Variants in CNTNAP2 observed in about 807,000 individuals in gnomAD.
CNTNAP2 encodes the protein contactin associated protein 2.
CNTNAP2 carries 98 observed loss-of-function variants against 155.2 expected under a neutral mutation model. The ratio of observed to expected loss-of-function variants is 0.63; its 90% CI spans 0.54 to 0.75. CNTNAP2 has a LOEUF of 0.75. Among genes scored for constraint, CNTNAP2 ranks in the 30% least tolerant of loss-of-function variants. The pLI is 0.00. For missense variants in CNTNAP2, 1,727 were observed against 1,688.1 expected (o/e 1.02, Z -0.40); for synonymous variants, 651 against 631.2 (o/e 1.03, Z -0.47).
chr7:146,907,226 G>A (rs1796153333), intron 3 of CNTNAP2, among the ~76,000 whole-genome samples: 2 of 150,876 alleles, frequency 1.3e-5, no homozygotes, highest in Non-Finnish European at 3.0e-5. Context: ...AAAACACTCT[G>A]CAGGATATTA....
At chr7:147,991,567 T>C (rs536311952) in intron 15 of CNTNAP2, among the ~76,000 whole-genome samples, 1 of 151,758 alleles carries the variant, frequency 6.6e-6, no homozygotes, top group Non-Finnish European at 1.5e-5. Context: ...CTGATGATTA[T>C]CTTTAAATTA....
chr7:147,921,159 C>T lies in CNTNAP2; in HGVS notation c.2255+17438C>T, dbSNP rs116647728. 3.3e-3 allele frequency among the ~76,000 whole-genome samples: 502 copies of T among 151,800 alleles called. 3 individuals carry two copies. The highest frequency in any genetic ancestry group is 0.011 in the African/African-American group (466 of 41,384). ...CAGAGAAATGATTAGATAATGAAGA[C>T]GTTATTTATTTTTTATTTTCATAAT... On this transcript the variant is annotated intron_variant, in intron 14 of 23. Coordinates refer to ENST00000361727, the MANE Select transcript of CNTNAP2 (RefSeq NM_014141.6).
chr7:148,271,492 C>T (rs749000401), intron 21 of CNTNAP2, among the ~76,000 whole-genome samples: 1 of 152,236 alleles, frequency 6.6e-6, no homozygotes, highest in Non-Finnish European at 1.5e-5. Context: ...AGCTACTCAG[C>T]GAGTCAGCGG....
intron 8 of CNTNAP2, among the ~76,000 whole-genome samples, chr7:147,194,069 G>A (rs911488240): frequency 6.6e-6 from 1 of 150,912 alleles, no homozygotes; most frequent in African/African-American, 2.4e-5. Context: ...CCTCCTCTAA[G>A]TTCCATCCCC....
intron 8 of CNTNAP2, among the ~76,000 whole-genome samples, chr7:147,277,651 C>T (rs1804927828): frequency 6.6e-6 from 1 of 151,714 alleles, no homozygotes; most frequent in Non-Finnish European, 1.5e-5. Flanking sequence ...GGATGCTGTA[C>T]ACTAGAAAGT....
chr7:148,049,550 A>G (rs1000050184), intron 15 of CNTNAP2, among the ~76,000 whole-genome samples: 33 of 152,204 alleles, frequency 2.2e-4, no homozygotes, highest in Non-Finnish European at 7.3e-5. Context: ...CACACCACAC[A>G]ATGTCGTTTA....
intron 1 of CNTNAP2, among the ~76,000 whole-genome samples, chr7:146,347,376 C>G (rs1014889717): frequency 2.2e-4 from 33 of 152,118 alleles, no homozygotes; most frequent in Admixed American, 2.2e-3. Context: ...AGCAACAGCT[C>G]AACCAGAGAC....
intron 2 of CNTNAP2, among the ~76,000 whole-genome samples, chr7:146,793,792 T>C (rs1279774450): frequency 6.6e-6 from 1 of 152,094 alleles, no homozygotes; most frequent in Non-Finnish European, 1.5e-5. Context: ...GCATAAGTGG[T>C]GTCAAGAAGT....
intron 21 of CNTNAP2, among the ~76,000 whole-genome samples, chr7:148,362,212 AAAAAC>A (rs1798637340): frequency 8.8e-6 from 1 of 113,584 alleles, no homozygotes; most frequent in African/African-American, 2.9e-5. Context: ...AAAAAAAACA[AAAAAC>A]AAAACCCATC....
rs57317671 is a variant in CNTNAP2 at position 147,598,167 on chromosome 7, CTTT to C, written c.1897+35921_1897+35923del. ...CTGTAATTACAGCCTTTCTTTCTTT[CTTT>C]TTTTTTTTTTCTACTTTAAGTTCTG... is the stretch of plus-strand genomic sequence containing the variant. On this transcript the variant is annotated intron_variant, in intron 12 of 23. Coordinates refer to ENST00000361727, the MANE Select transcript of CNTNAP2 (RefSeq NM_014141.6). Among the ~76,000 whole-genome samples, 5 of 147,924 alleles carry C rather than the reference CTTT, an allele frequency of 3.4e-5. No individual in the cohort carries two copies. The East Asian group carries it at 5.9e-4, about 18-fold the overall frequency.
chr7:146,560,847 T>A (rs1798269442), intron 1 of CNTNAP2, among the ~76,000 whole-genome samples: 1 of 152,156 alleles, frequency 6.6e-6, no homozygotes, highest in Non-Finnish European at 1.5e-5. Flanking sequence ...CATTATCTGA[T>A]CATCTATTGG....
chr7:146,545,390 G>A (rs2693401), intron 1 of CNTNAP2, among the ~76,000 whole-genome samples: 5,027 of 151,572 alleles, frequency 0.033, 293 homozygotes, highest in African/African-American at 0.11. Flanking sequence ...TGTGCAGAAC[G>A]TGCAGGTTTG....
chr7:147,372,215 C>T (rs747337109), intron 9 of CNTNAP2, among the ~76,000 whole-genome samples: 1 of 152,074 alleles, frequency 6.6e-6, no homozygotes, highest in Non-Finnish European at 1.5e-5. Flanking sequence ...TGCTCTTACT[C>T]CTGAAAGATA....
intron 1 of CNTNAP2, among the ~76,000 whole-genome samples, chr7:146,273,892 A>T (rs1387639432): frequency 6.6e-6 from 1 of 152,202 alleles, no homozygotes; most frequent in African/African-American, 2.4e-5. Context: ...TGTAAATACT[A>T]TAAAAATGGT....
chr7:148,374,688 T>G (rs1462945021), intron 21 of CNTNAP2, among the ~76,000 whole-genome samples: 1 of 152,226 alleles, frequency 6.6e-6, no homozygotes, highest in East Asian at 1.9e-4. Flanking sequence ...TACACAGGAT[T>G]CTATTTCTGC....
chr7:146,472,819 G>A (rs749618497), intron 1 of CNTNAP2, among the ~76,000 whole-genome samples: 2 of 151,778 alleles, frequency 1.3e-5, no homozygotes, highest in Non-Finnish European at 2.9e-5. Flanking sequence ...ATACTTGGAC[G>A]ATCCAATGCA....
intron 9 of CNTNAP2, among the ~76,000 whole-genome samples, chr7:147,307,945 T>G (rs775917768): frequency 6.6e-6 from 1 of 152,216 alleles, no homozygotes; most frequent in East Asian, 1.9e-4. Flanking sequence ...GTGCTTGCTC[T>G]TGGAAGATTA....
chr7:146,812,118 G>A (rs1473742692), intron 2 of CNTNAP2, among the ~76,000 whole-genome samples: 2 of 152,074 alleles, frequency 1.3e-5, no homozygotes, highest in African/African-American at 4.8e-5. Flanking sequence ...TTTGGAACTG[G>A]GTAACAGACA....
chr7:146,202,024 A>G (rs1428225974), intron 1 of CNTNAP2, among the ~76,000 whole-genome samples: 1 of 152,170 alleles, frequency 6.6e-6, no homozygotes, highest in African/African-American at 2.4e-5. Flanking sequence ...AGGGATGACA[A>G]TCCTGATGGT....
Sources: allele counts gnomAD v4.1 joint callset (sites outside exome capture counted in the v4.1 genomes callset), GRCh38; gene constraint gnomAD v4.1.1; transcripts MANE v1.5; gene names NCBI Gene and HGNC (gene_info 2026-07-23, HGNC 2026-07-21).